The following DCDC1 variants were observed in gnomAD, a reference collection of about 807,000 sequenced individuals.
The protein encoded by DCDC1 is doublecortin domain-containing protein 1.
Under a neutral mutation model 178.3 loss-of-function variants are expected in DCDC1, and 200 were observed. The ratio of observed to expected loss-of-function variants is 1.12; its 90% confidence interval spans 1.00 to 1.26. The LOEUF is 1.26. Among genes scored for constraint, DCDC1 ranks in the 50% most tolerant of loss-of-function variants. The probability of loss-of-function intolerance (pLI) is 0.00; values close to 1 mark genes in which losing one functional copy is unlikely to be tolerated. For missense variants in DCDC1, 1,983 were observed against 1,749.2 expected (o/e 1.13, Z -2.38); for synonymous variants, 690 against 604.8 (o/e 1.14, Z -2.07).
At chr11:31,183,226 T>A (rs2136298693) in intron 9 of DCDC1, among the ~76,000 whole-genome samples, 1 of 152,296 alleles carries the variant, frequency 6.6e-6, no homozygotes, top group East Asian at 1.9e-4. Context: ...GGACTTGAAC[T>A]CAGCTCTGGA....
chr11:31,217,322 A>G (rs1409116659), intron 9 of DCDC1, among the ~76,000 whole-genome samples: 1 of 152,212 alleles, frequency 6.6e-6, no homozygotes, highest in African/African-American at 2.4e-5. Context: ...TCTGAACTAT[A>G]TGGACTTCAA....
intron 9 of DCDC1, among the ~76,000 whole-genome samples, chr11:31,215,836 C>T (rs1190912984): frequency 6.6e-6 from 1 of 151,820 alleles, no homozygotes; most frequent in African/African-American, 2.4e-5. Flanking sequence ...TTAAATTGGG[C>T]CTTTTTCCTT....
At chr11:31,136,533 A>C (rs957803187) in intron 10 of DCDC1, among the ~76,000 whole-genome samples, 2 of 152,150 alleles carry the variant, frequency 1.3e-5, no homozygotes, top group Non-Finnish European at 2.9e-5. Flanking sequence ...GTTAGTAAGG[A>C]AGATGAAATC....
At chr11:31,122,324 G>T (rs1960930974) in intron 11 of DCDC1, among the ~76,000 whole-genome samples, 3 of 152,060 alleles carry the variant, frequency 2.0e-5, no homozygotes, top group Admixed American at 1.3e-4. Context: ...TTTGTGGGGT[G>T]CTATTGGTTA....
chr11:31,214,800 T>C (rs1361386310), intron 9 of DCDC1, among the ~76,000 whole-genome samples: 2 of 152,146 alleles, frequency 1.3e-5, no homozygotes, highest in African/African-American at 2.4e-5. Context: ...AGATTATTTG[T>C]TCTATAATAC....
At chr11:31,277,283 A>G (rs186301133) in intron 7 of DCDC1, among the ~76,000 whole-genome samples, 111 of 152,284 alleles carry the variant, frequency 7.3e-4, no homozygotes, top group Non-Finnish European at 4.1e-4. Context: ...GTTGAAAAAT[A>G]GTCCTTGACA....
intron 9 of DCDC1, among the ~76,000 whole-genome samples, chr11:31,184,039 C>T (rs553993321): frequency 3.5e-4 from 54 of 152,296 alleles, no homozygotes; most frequent in Admixed American, 7.2e-4. Flanking sequence ...TCAAACTATA[C>T]TACAAGGCTA....
rs140519038 is a variant in DCDC1 at position 31,000,683 on chromosome 11, A to T, written c.2592-48115T>A. Among the ~76,000 whole-genome samples the T allele has an allele frequency of 4.3e-3, 657 of 152,236 alleles. 10 individuals are homozygous for T. The highest frequency in any genetic ancestry group is 0.015 in the African/African-American group (605 of 41,548). On this transcript the variant is annotated intron_variant, in intron 20 of 38. Transcript: ENST00000684477. ...AAGCTTTGTTGGCAGCTGGTGAGTC[A>T]AGCTTCTGGGTAGCATAATGCATTG...
intron 31 of DCDC1, 147 bp downstream of exon 31, chr11:30,904,814 T>A: frequency 3.4e-6 from 3 of 878,030 alleles, no homozygotes; most frequent in Non-Finnish European, 5.2e-6. Flanking sequence ...TGTCTTTAAG[T>A]AAACAGAGAT....
chr11:31,069,819 A>G (rs1956449003), intron 18 of DCDC1, among the ~76,000 whole-genome samples: 2 of 152,226 alleles, frequency 1.3e-5, no homozygotes, highest in African/African-American at 2.4e-5. Flanking sequence ...TACATGGAAT[A>G]TGGGAAACTT....
intron 21 of DCDC1, among the ~76,000 whole-genome samples, chr11:30,940,470 T>C (rs1947563882): frequency 6.6e-6 from 1 of 152,186 alleles, no homozygotes; most frequent in South Asian, 2.1e-4. Context: ...GCCAGGGAAA[T>C]AGATCTGAAA....
chr11:31,238,532 C>T (rs1976720047), intron 9 of DCDC1, among the ~76,000 whole-genome samples: 1 of 152,038 alleles, frequency 6.6e-6, no homozygotes, highest in South Asian at 2.1e-4. Context: ...GTGGCCTTTT[C>T]ACACGTTCCT....
In DCDC1 at chr11:30,963,953, T is replaced by C. The variant is rs543653264; in HGVS notation, c.2592-11385A>G. On this transcript the variant is annotated intron_variant, in intron 20 of 38. Coordinates refer to ENST00000684477, the MANE Select transcript of DCDC1 (RefSeq NM_001387274.1). ...TAAGTCATATCCTTCCTAATTCTCA[T>C]TGCTGTTTTCGTAAATTCTTGTCCT... is the stretch of plus-strand genomic sequence containing the variant. Among the ~76,000 whole-genome samples, 48 of 152,166 alleles carry C rather than the reference T, an allele frequency of 3.2e-4. 1 individual carries two copies. The highest frequency in any genetic ancestry group is 5.9e-4 in the Non-Finnish European group (40 of 68,024).
At chr11:31,088,742 A>G (rs1351211967) in intron 17 of DCDC1, among the ~76,000 whole-genome samples, 1 of 152,162 alleles carries the variant, frequency 6.6e-6, no homozygotes, top group African/African-American at 2.4e-5. Context: ...TTTGACACAC[A>G]GGCTTGCTCT....
At chr11:30,898,367 T>C (rs540156159) in intron 34 of DCDC1, among the ~76,000 whole-genome samples, 2 of 152,252 alleles carry the variant, frequency 1.3e-5, no homozygotes, top group South Asian at 4.1e-4. Flanking sequence ...AAGGAATATA[T>C]AGATGATGGT....
At chr11:31,344,879 T>C (rs1950736043) in intron 1 of DCDC1, among the ~76,000 whole-genome samples, 1 of 152,182 alleles carries the variant, frequency 6.6e-6, no homozygotes, top group African/African-American at 2.4e-5. Context: ...CTATTTCTCA[T>C]TTTACAAAAG....
intron 20 of DCDC1, among the ~76,000 whole-genome samples, chr11:30,968,300 T>C (rs1949560405): frequency 6.6e-6 from 1 of 152,084 alleles, no homozygotes; most frequent in Admixed American, 6.6e-5. Context: ...TTCAGAACAG[T>C]GTCTAGCCCA....
chr11:31,364,993 C>T (rs566950555), intron 1 of DCDC1, among the ~76,000 whole-genome samples: 5 of 152,266 alleles, frequency 3.3e-5, no homozygotes, highest in South Asian at 4.1e-4. Flanking sequence ...ATCTATTCTA[C>T]GTATTAGTAT....
intron 9 of DCDC1, among the ~76,000 whole-genome samples, chr11:31,201,392 T>C (rs894688143): frequency 9.2e-5 from 14 of 151,922 alleles, no homozygotes; most frequent in African/African-American, 3.4e-4. Flanking sequence ...AAAATATTCA[T>C]ACTAAAATAT....
Sources: gnomAD v4.1 joint callset for allele counts (sites outside exome capture counted in the v4.1 genomes callset) on GRCh38, gnomAD v4.1.1 for gene constraint, MANE v1.5 for transcripts, NCBI Gene and HGNC (gene_info 2026-07-23, HGNC 2026-07-21) for gene names.